Variants in ZNF140 observed in about 807,000 individuals in gnomAD.
ZNF140 encodes the protein zinc finger protein 140 (clone pHZ-39).
Under a neutral mutation model 12.9 loss-of-function variants are expected in ZNF140, and 13 were observed. The observed-to-expected ratio is 1.01, with a 90% CI of 0.66 to 1.60. The LOEUF (loss-of-function observed/expected upper bound fraction) is 1.60, where lower values mean the gene tolerates loss of function less well. Ranked by LOEUF, ZNF140 falls within the 40% of genes most tolerant of loss-of-function variation. The pLI is 0.00. For synonymous variants in ZNF140, 214 were observed against 186.7 expected, an observed-to-expected ratio of 1.15 and a Z score of -1.19; for missense variants, 531 against 548.8, an observed-to-expected ratio of 0.97 and a Z score of 0.32.
chr12:133,090,766 GATA>G (rs1954833234), intron 4 of ZNF140, among the ~76,000 whole-genome samples: 2 of 144,934 alleles, frequency 1.4e-5, no homozygotes, highest in East Asian at 3.9e-4. Context: ...AGAGCAGGGT[GATA>G]ATAAGGAGAA....
chr12:133,089,321 C>T (rs1954778854), intron 4 of ZNF140, among the ~76,000 whole-genome samples: 1 of 151,970 alleles, frequency 6.6e-6, no homozygotes, highest in Admixed American at 6.6e-5. Flanking sequence ...CCAGGTGATC[C>T]TCCCGTCTCA....
upstream of ZNF140, chr12:133,080,492 G>A (rs1299485105): frequency 6.6e-6 from 1 of 152,280 alleles, no homozygotes; most frequent in Non-Finnish European, 1.5e-5. Context: ...CACGTTCTTC[G>A]TTTCTCCGCT....
chr12:133,095,074 TTAA>T, intron 4 of ZNF140, among the ~76,000 whole-genome samples: 1 of 151,056 alleles, frequency 6.6e-6, no homozygotes, highest in Non-Finnish European at 1.5e-5. Flanking sequence ...TAAAGTTGCT[TTAA>T]TAATAGCCCA....
intron 2 of ZNF140, chr12:133,081,689 G>GC: frequency 2.4e-6 from 1 of 411,226 alleles, no homozygotes. Flanking sequence ...GACCTGGCTG[G>GC]CATGTTTTAG....
chr12:133,084,292 G>A (rs991850056), intron 4 of ZNF140: 1 of 329,162 alleles, frequency 3.0e-6, no homozygotes, highest in Non-Finnish European at 5.8e-6. Context: ...ACCTTGAAAA[G>A]ATTAATTCAT....
Position 133,105,536 on chromosome 12 carries a change from G to C in ZNF140, c.259G>C (p.Asp87His). Reference protein sequence around the residue: ...SVSESSGEIKDFSPKNVIYDD... With the variant: ...SVSESSGEIKHFSPKNVIYDD... Reference sequence around the variant, plus strand: ...TTCAGAGTCAAGTGGTGAGATCAAAGACTTTTCACCAAAAAATGTCATTTA... The same window carrying C: ...TTCAGAGTCAAGTGGTGAGATCAAACACTTTTCACCAAAAAATGTCATTTA... The change falls in exon 5 of 5, where the codon GAC becomes CAC. Residue 87 changes from aspartate (D) to histidine (H), a missense_variant. By Grantham distance (81) the Asp-to-His change is moderately conservative (BLOSUM62 -1). Transcript: ENST00000355557. 6.2e-7 allele frequency: 1 copy of C among 1,609,196 alleles called. No individual in the cohort carries two copies. The highest frequency in any genetic ancestry group is 8.5e-7 in the Non-Finnish European group (1 of 1,178,346).
chr12:133,105,684 G>A lies in ZNF140; in HGVS notation c.407G>A (p.Cys136Tyr), dbSNP rs1028047426. The change falls in exon 5 of 5, where the codon TGT (cysteine) becomes TAT (tyrosine). Residue 136 changes from cysteine (C) to tyrosine (Y), a missense_variant. By Grantham distance (194) the Cys-to-Tyr change is radical (BLOSUM62 -2). Transcript: ENST00000355557. ...HTEMLQENQG[C>Y]IRKVTVSHQE... ...GAGATGCTGCAAGAAAATCAGGGAT[G>A]TATTAGGAAAGTAACAGTCTCTCAT... is the stretch of plus-strand genomic sequence containing the variant. The A allele has an allele frequency of 6.2e-7, 1 of 1,614,190 alleles. No individual in the cohort carries two copies. Among genetic ancestry groups the A allele is most frequent in the East Asian group, 2.2e-5 (1 of 44,872 alleles).
In ZNF140 at chr12:133,094,853, T is replaced by G. The variant is rs1196327005; in HGVS notation, c.233-10657T>G. On this transcript the variant is annotated intron_variant, in intron 4 of 4. Transcript: ENST00000355557. ...CCTGATGGTTCTGGACTTTTTCCTTTTAATTTTAATGTTTCAGGATATATT... is the reference window on the plus strand; with the variant it reads ...CCTGATGGTTCTGGACTTTTTCCTTGTAATTTTAATGTTTCAGGATATATT... 2.0e-5 allele frequency among the ~76,000 whole-genome samples: 3 copies of G among 151,394 alleles called. 1 individual carries two copies. The highest frequency in any genetic ancestry group is 4.4e-5 in the Non-Finnish European group (3 of 67,906).
At chr12:133,103,439 T>C (rs1434827539) in intron 4 of ZNF140, among the ~76,000 whole-genome samples, 1 of 149,248 alleles carries the variant, frequency 6.7e-6, no homozygotes, top group African/African-American at 2.6e-5. Flanking sequence ...TTTTTTTTTT[T>C]TTTTTTGGGT....
intron 2 of ZNF140, chr12:133,082,342 A>G (rs1397680198): frequency 6.6e-6 from 1 of 152,228 alleles, no homozygotes; most frequent in African/African-American, 2.4e-5. Flanking sequence ...TTAAACTTCA[A>G]AACTGTAAAT....
chr12:133,098,557 C>T (rs1163112970), intron 4 of ZNF140, among the ~76,000 whole-genome samples: 2 of 152,106 alleles, frequency 1.3e-5, no homozygotes, highest in African/African-American at 2.4e-5. Flanking sequence ...ATAAATAATC[C>T]AACCCTACTT....
At chr12:133,102,575 G>A (rs992709047) in intron 4 of ZNF140, among the ~76,000 whole-genome samples, 4 of 151,762 alleles carry the variant, frequency 2.6e-5, no homozygotes, top group Non-Finnish European at 5.9e-5. Context: ...AGATACATAA[G>A]TAAATAAATA....
chr12:133,096,068 G>T (rs1259156806), intron 4 of ZNF140, among the ~76,000 whole-genome samples: 1 of 150,852 alleles, frequency 6.6e-6, no homozygotes, highest in African/African-American at 2.4e-5. Context: ...GCTGGGGGAT[G>T]GTCAGGTCTT....
intron 4 of ZNF140, among the ~76,000 whole-genome samples, chr12:133,086,097 C>T (rs927479434): frequency 5.3e-5 from 8 of 152,082 alleles, no homozygotes; most frequent in African/African-American, 9.7e-5. Flanking sequence ...ACAATTTATT[C>T]GTTCTACTAT....
intron 4 of ZNF140, among the ~76,000 whole-genome samples, chr12:133,094,426 T>C (rs1405176974): frequency 6.6e-6 from 1 of 150,576 alleles, no homozygotes; most frequent in African/African-American, 2.5e-5. Context: ...TCTTTGGGGG[T>C]CATGGCCGGA....
intron 4 of ZNF140, among the ~76,000 whole-genome samples, chr12:133,095,757 T>G (rs914602152): frequency 4.6e-5 from 7 of 151,214 alleles, no homozygotes; most frequent in Admixed American, 1.3e-4. Context: ...ATGTCATAAT[T>G]AGGTTTAAGG....
At chr12:133,093,575 C>T (rs1265732770) in intron 4 of ZNF140, 3 of 666,016 alleles carry the variant, frequency 4.5e-6, no homozygotes, top group Admixed American at 2.2e-5. Context: ...CCCATGTTAT[C>T]ACCTTCCCTA....
At chr12:133,102,584 TAAATA>T (rs1281740563) in intron 4 of ZNF140, among the ~76,000 whole-genome samples, 132 of 151,698 alleles carry the variant, frequency 8.7e-4, no homozygotes, top group African/African-American at 3.0e-3. Context: ...AGTAAATAAA[TAAATA>T]AAATAAACCA....
chr12:133,080,612 C>T (rs1954434698), upstream of ZNF140: 1 of 152,404 alleles, frequency 6.6e-6, no homozygotes, highest in African/African-American at 2.4e-5. Context: ...TGCCTAGGAC[C>T]CGGGTTCTTT....
Sources: gnomAD v4.1 joint callset for allele counts (sites outside exome capture counted in the v4.1 genomes callset) on GRCh38, gnomAD v4.1.1 for gene constraint, MANE v1.5 for transcripts, NCBI Gene and HGNC (gene_info 2026-07-23, HGNC 2026-07-21) for gene names.